Variants in DGCR2 observed in about 807,000 individuals in gnomAD.
DGCR2 encodes integral membrane protein DGCR2/IDD.
DGCR2 carries 24 observed loss-of-function variants against 51.6 expected under a neutral mutation model. The observed-to-expected ratio is 0.47, with a 90% CI of 0.34 to 0.65. The LOEUF (loss-of-function observed/expected upper bound fraction) is 0.65. Ranked by LOEUF, DGCR2 falls within the 30% of genes least tolerant of loss-of-function variation. The pLI is 0.01. For synonymous variants in DGCR2, 340 were observed against 315.4 expected, an observed-to-expected ratio of 1.08 and a Z score of -0.82; for missense variants, 765 against 772.1, an observed-to-expected ratio of 0.99 and a Z score of 0.11.
intron 2 of DGCR2, among the ~76,000 whole-genome samples, chr22:19,085,222 A>G (rs150038082): frequency 2.0e-3 from 299 of 152,292 alleles, no homozygotes; most frequent in Non-Finnish European, 2.1e-3. Flanking sequence ...TGGCAAGGCT[A>G]TATAGTGTGA....
At chr22:19,106,811 G>C (rs990068072) in intron 1 of DGCR2, among the ~76,000 whole-genome samples, 4 of 151,898 alleles carry the variant, frequency 2.6e-5, no homozygotes, top group African/African-American at 9.7e-5. Flanking sequence ...CATCCCTGAA[G>C]CCAGCAGAGC....
Position 19,122,333 on chromosome 22 carries a change from G to T in DGCR2, c.-127C>A. 1.4e-6 allele frequency: 1 copy of T among 733,790 alleles called. No homozygotes were observed. The highest frequency in any genetic ancestry group is 2.0e-6 in the Non-Finnish European group (1 of 494,356). 45.5% of individuals were successfully genotyped at this position (733,790 alleles called of 1,614,324 possible). ...TGGGCGAGGCGCGGAGAGGCGGCGG[G>T]AAAGAGCTTCGGCTGGGCCGCGGGC... On this transcript the variant is annotated 5_prime_UTR_variant, in exon 1 of 10. Transcript: ENST00000263196.
chr22:19,048,789 G>C, intron 6 of DGCR2, 146 bp from the exon 7 acceptor site: 1 of 772,532 alleles, frequency 1.3e-6, no homozygotes, highest in Non-Finnish European at 2.2e-6. Flanking sequence ...GAGGCAGCTG[G>C]AGGGGGCATG....
chr22:19,046,735 C>T, intron 7 of DGCR2: 1 of 436,790 alleles, frequency 2.3e-6, no homozygotes, highest in Non-Finnish European at 4.7e-6. Flanking sequence ...GCAGGCAGAG[C>T]AGGGCCCAGC....
At chr22:19,119,285 C>T (rs2083406284) in intron 1 of DGCR2, among the ~76,000 whole-genome samples, 1 of 152,216 alleles carries the variant, frequency 6.6e-6, no homozygotes, top group Non-Finnish European at 1.5e-5. Flanking sequence ...AATCTCATCT[C>T]AGCCTTAGCT....
chr22:19,056,576 CCAT>C, intron 6 of DGCR2: 1 of 387,128 alleles, frequency 2.6e-6, no homozygotes. Flanking sequence ...AACACACACA[CCAT>C]AGACTGGCAA....
At chr22:19,111,829 A>G (rs1354938700) in intron 1 of DGCR2, among the ~76,000 whole-genome samples, 1 of 149,176 alleles carries the variant, frequency 6.7e-6, no homozygotes, top group African/African-American at 2.5e-5. Flanking sequence ...GAACATCTAA[A>G]CTCTTTTTTG....
intron 2 of DGCR2, among the ~76,000 whole-genome samples, chr22:19,083,749 C>A (rs1278933613): frequency 6.9e-6 from 1 of 144,566 alleles, no homozygotes; most frequent in South Asian, 2.3e-4. Flanking sequence ...TCTCTTTCCA[C>A]GGTCTCCCTC....
chr22:19,084,601 C>T (rs1402150016), intron 2 of DGCR2, among the ~76,000 whole-genome samples: 1 of 148,648 alleles, frequency 6.7e-6, no homozygotes, highest in Non-Finnish European at 1.5e-5. Context: ...CCCCTCCGCC[C>T]GGCAGCCGCC....
At chr22:19,101,451 A>G (rs946633406) in intron 1 of DGCR2, among the ~76,000 whole-genome samples, 6 of 107,674 alleles carry the variant, frequency 5.6e-5, no homozygotes, top group Non-Finnish European at 9.0e-5. Flanking sequence ...CTTCAAAAGT[A>G]AATGTGGGGC....
At position 19,119,735 on chromosome 22, in the gene DGCR2, C is replaced by CAAAAA. The variant is rs57362176; in HGVS notation, c.79+2388_79+2392dup. ...TGAGCAACAGAGCAGGACTCTGTCTCAAAAAAAAAAAAAAAAAAAAAATTG... is the reference window on the plus strand; with the variant it reads ...TGAGCAACAGAGCAGGACTCTGTCTCAAAAAAAAAAAAAAAAAAAAAAAAAAATTG... On this transcript the variant is annotated intron_variant, in intron 1 of 9. Coordinates refer to ENST00000263196, the MANE Select transcript of DGCR2 (RefSeq NM_005137.3). Among the ~76,000 whole-genome samples the CAAAAA allele has an allele frequency of 7.6e-4, 59 of 78,124 alleles. 1 individual carries two copies. Among genetic ancestry groups the CAAAAA allele is most frequent in the African/African-American group, 1.7e-3 (33 of 19,920 alleles). 51.3% of individuals were successfully genotyped at this position (78,124 alleles called of 152,430 possible). A position where few individuals can be genotyped will look rare whatever the true frequency, so the allele number is the denominator to read the frequency against.
At chr22:19,081,880 C>T (rs531869942) in intron 2 of DGCR2, among the ~76,000 whole-genome samples, 2 of 152,128 alleles carry the variant, frequency 1.3e-5, no homozygotes, top group Admixed American at 6.5e-5. Context: ...AGAATACTAA[C>T]GAGGTTAAAT....
intron 1 of DGCR2, among the ~76,000 whole-genome samples, chr22:19,120,385 T>G (rs978891314): frequency 5.9e-5 from 9 of 152,106 alleles, no homozygotes; most frequent in African/African-American, 2.2e-4. Context: ...TCCAGGGTAT[T>G]CAACACACAG....
At chr22:19,116,678 C>T (rs2083376561) in intron 1 of DGCR2, among the ~76,000 whole-genome samples, 1 of 152,264 alleles carries the variant, frequency 6.6e-6, no homozygotes, top group East Asian at 1.9e-4. Flanking sequence ...GAGCTATCTA[C>T]GGGGTCCTTA....
At chr22:19,056,579 T>G in intron 6 of DGCR2, 3 of 343,936 alleles carry the variant, frequency 8.7e-6, no homozygotes, top group South Asian at 4.2e-5. Context: ...ACACACACCA[T>G]AGACTGGCAA....
At chr22:19,048,328 C>T (rs893934549) in intron 7 of DGCR2, 112 bp downstream of exon 7, 17 of 1,115,022 alleles carry the variant, frequency 1.5e-5, no homozygotes, top group East Asian at 1.2e-4. Context: ...ATTGCTGCTG[C>T]GCGATGCTCC....
At chr22:19,109,810 G>A (rs531915064) in intron 1 of DGCR2, among the ~76,000 whole-genome samples, 2 of 152,334 alleles carry the variant, frequency 1.3e-5, no homozygotes, top group African/African-American at 4.8e-5. Flanking sequence ...GGTAGCAGTG[G>A]AGCCGCCTAA....
chr22:19,048,152 T>G, intron 7 of DGCR2: 1 of 496,516 alleles, frequency 2.0e-6, no homozygotes. Flanking sequence ...TTTGAAGCTG[T>G]CAGTGGTGAC....
In DGCR2 at chr22:19,068,016, C is replaced by G. The variant is rs536310485; in HGVS notation, c.328+84G>C. The G allele has an allele frequency of 8.4e-6, 12 of 1,436,592 alleles. No individual in the cohort carries two copies. In the South Asian group the frequency reaches 1.8e-4, roughly 22 times the overall value. 89.0% of individuals were successfully genotyped at this position (1,436,592 alleles called of 1,614,324 possible). A position where few individuals can be genotyped will look rare whatever the true frequency, so the allele number is the denominator to read the frequency against. ...AAGGGCTGCTTTGAGAAACCCCTCACGCAGCACAGTAGTGCTGGAAAGGCA... is the reference window on the plus strand; with the variant it reads ...AAGGGCTGCTTTGAGAAACCCCTCAGGCAGCACAGTAGTGCTGGAAAGGCA... On this transcript the variant is annotated intron_variant, in intron 3 of 9. Coordinates refer to ENST00000263196, the MANE Select transcript of DGCR2 (RefSeq NM_005137.3).
Sources: allele counts gnomAD v4.1 joint callset (sites outside exome capture counted in the v4.1 genomes callset), GRCh38; gene constraint gnomAD v4.1.1; transcripts MANE v1.5; gene names NCBI Gene and HGNC (gene_info 2026-07-23, HGNC 2026-07-21).